The following KIDINS220 variants were observed in gnomAD, a reference collection of about 807,000 sequenced individuals.
The protein encoded by KIDINS220 is kinase D interacting substrate 220.
Under a neutral mutation model 157.6 loss-of-function variants are expected in KIDINS220, and 63 were observed. That is an observed-to-expected ratio of 0.40 (90% CI 0.33 to 0.49). The LOEUF (loss-of-function observed/expected upper bound fraction) is 0.49, where lower values mean the gene tolerates loss of function less well. Ranked by LOEUF, KIDINS220 falls within the 20% of genes least tolerant of loss-of-function variation. KIDINS220 has a pLI of 0.66. For synonymous variants in KIDINS220, 732 were observed against 783.6 expected (o/e 0.93, Z 1.10); for missense variants, 1,772 against 2,171.2 (o/e 0.82, Z 3.65).
intron 6 of KIDINS220, among the ~76,000 whole-genome samples, chr2:8,807,114 A>C (rs1455271045): frequency 6.6e-6 from 1 of 152,188 alleles, no homozygotes; most frequent in Non-Finnish European, 1.5e-5. Context: ...ACAGTATCAC[A>C]TTTTCACAGA....
chr2:8,731,448 C>A lies in KIDINS220; in HGVS notation c.4588G>T (p.Glu1530Ter), dbSNP rs770272840. 1 of 1,614,202 alleles carries A rather than the reference C, an allele frequency of 6.2e-7. No homozygotes were observed. The highest frequency in any genetic ancestry group is 8.5e-7 in the Non-Finnish European group (1 of 1,180,042). The stretch of plus-strand genomic sequence containing the variant: ...TTGAGCAGTGGAGTGTTATCTGATT[C>A]TTCTGTGCCAGATTCATCCTCGTCA... The part of the protein sequence containing the change: ...PSDEDESGTE[E>*]SDNTPLLKDD... Residue 1530 changes from glutamate to a stop codon, truncating the protein, a stop_gained, in exon 30 of 30, where the codon GAA (glutamate) becomes TAA (stop). Coordinates refer to ENST00000256707, the MANE Select transcript of KIDINS220 (RefSeq NM_020738.4). LOFTEE classifies it low-confidence loss of function (END_TRUNC). This position sits in a 1 kb window ranked among gnomAD's most constrained non-coding sequence, Gnocchi z 5.2.
chr2:8,812,546 G>C (rs1676472943), intron 5 of KIDINS220, 53 bp from the exon 6 acceptor site: 1 of 995,866 alleles, frequency 1.0e-6, no homozygotes, highest in African/African-American at 1.7e-5. Context: ...AGGAAGGAAA[G>C]AAAGAAAGGA....
chr2:8,770,470 A>G (rs1670049296), intron 22 of KIDINS220, among the ~76,000 whole-genome samples, 200 bp downstream of exon 22: 1 of 152,182 alleles, frequency 6.6e-6, no homozygotes, highest in African/African-American at 2.4e-5. Flanking sequence ...TTGTCCAAAT[A>G]AAGTCATAGA....
At chr2:8,829,565 T>A (rs182643150) in intron 1 of KIDINS220, among the ~76,000 whole-genome samples, 371 of 152,158 alleles carry the variant, frequency 2.4e-3, no homozygotes, top group African/African-American at 8.7e-3. Context: ...CAAAGTAGGA[T>A]AATATACAGT....
intron 1 of KIDINS220, among the ~76,000 whole-genome samples, chr2:8,832,198 G>C (rs542065622): frequency 1.1e-3 from 168 of 152,218 alleles, no homozygotes; most frequent in East Asian, 4.8e-3. Context: ...ACGTTCCCTA[G>C]GACAGGCATT....
chr2:8,724,755 T>C (rs536797726), downstream of KIDINS220: 4 of 152,292 alleles, frequency 2.6e-5, no homozygotes, highest in Non-Finnish European at 5.9e-5. The surrounding 1 kb of genome is among the most constrained non-coding windows in gnomAD (Gnocchi z 4.6). Flanking sequence ...GCCTCCCGAA[T>C]AGCTGGGACT....
rs1288657887 is a variant in KIDINS220 at position 8,778,721 on chromosome 2, T to C, written c.2621A>G (p.Gln874Arg). The part of the protein sequence containing the change: ...DVPCSDTTGI[Q>R]EDADRRVSQN... Reference sequence around the variant, plus strand: ...TGAAACTCTTCTGTCAGCATCTTCCTGTATCCCTTAAATAATTTATCAAGA... The same window carrying C: ...TGAAACTCTTCTGTCAGCATCTTCCCGTATCCCTTAAATAATTTATCAAGA... The change falls in exon 20 of 30, where the codon CAG becomes CGG. Residue 874 changes from glutamine to arginine, a missense_variant. Coordinates refer to ENST00000256707, the MANE Select transcript of KIDINS220 (RefSeq NM_020738.4). The C allele has an allele frequency of 6.2e-7, 1 of 1,613,674 alleles. No individual in the cohort carries two copies. Among genetic ancestry groups the C allele is most frequent in the Admixed American group, 1.7e-5 (1 of 60,024 alleles).
intron 2 of KIDINS220, among the ~76,000 whole-genome samples, chr2:8,820,583 C>G (rs561238101): frequency 6.6e-6 from 1 of 152,208 alleles, no homozygotes; most frequent in East Asian, 1.9e-4. Context: ...TATAGACATT[C>G]CTATGTAAGG....
At chr2:8,784,429 C>G (rs562909501) in intron 17 of KIDINS220, among the ~76,000 whole-genome samples, 1 of 152,088 alleles carries the variant, frequency 6.6e-6, no homozygotes, top group Non-Finnish European at 1.5e-5. Context: ...TAGACTTCAT[C>G]AAAAATGTCT....
At chr2:8,744,162 A>G (rs1666021467) in intron 26 of KIDINS220, among the ~76,000 whole-genome samples, 1 of 144,414 alleles carries the variant, frequency 6.9e-6, no homozygotes, top group Non-Finnish European at 1.5e-5. Context: ...TTATTTTATA[A>G]TATATATTAT....
At chr2:8,728,653 T>C (rs1189269009), downstream of KIDINS220, among the ~76,000 whole-genome samples, 1 of 152,226 alleles carries the variant, frequency 6.6e-6, no homozygotes, top group Non-Finnish European at 1.5e-5. Context: ...ACCTTTTCTA[T>C]CTACAGGAAC....
Position 8,769,509 on chromosome 2 carries a change from GTGTCAAGGGATTACCTGTTTACAT to G in KIDINS220, c.3011+1137_3011+1160del, listed in dbSNP as rs1669903531. Reference sequence around the variant, plus strand: ...ACAACAATCTTGAGGATAGATGAGAGTGTCAAGGGATTACCTGTTTACATTAAATAGGGCTTTATGTATAAATAT... The same window carrying G: ...ACAACAATCTTGAGGATAGATGAGAGTAAATAGGGCTTTATGTATAAATAT... On this transcript the variant is annotated intron_variant, in intron 22 of 29. Coordinates refer to ENST00000256707, the MANE Select transcript of KIDINS220 (RefSeq NM_020738.4). 2.6e-5 allele frequency among the ~76,000 whole-genome samples: 4 copies of G among 152,170 alleles called. No homozygotes were observed. The South Asian group carries it at 8.3e-4, about 31-fold the overall frequency.
chr2:8,757,468 A>C, intron 22 of KIDINS220: 2 of 1,363,842 alleles, frequency 1.5e-6, no homozygotes, highest in Non-Finnish European at 1.9e-6. Context: ...CCAAAGGGAT[A>C]TGTGAGGCCG....
In KIDINS220 at chr2:8,778,656, T is replaced by C. The variant is rs199737785; in HGVS notation, c.2686A>G (p.Thr896Ala). The change falls in exon 20 of 30, where the codon ACA becomes GCA. Residue 896 changes from threonine to alanine, a missense_variant. By Grantham distance (58) the Thr-to-Ala change is moderately conservative (BLOSUM62 0). Transcript: ENST00000256707. ...LGEMTKLGSK[T>A]ALNRRDTYRR... Reference sequence around the variant, plus strand: ...CATCTTACCCGTCTATTGAGGGCTGTCTTGCTACCAAGTTTTGTCATCTCC... The same window carrying C: ...CATCTTACCCGTCTATTGAGGGCTGCCTTGCTACCAAGTTTTGTCATCTCC... The C allele has an allele frequency of 2.5e-6, 4 of 1,613,638 alleles. No homozygotes were observed. The highest frequency in any genetic ancestry group is 1.7e-5 in the Admixed American group (1 of 60,018).
intron 3 of KIDINS220, 33 bp from the exon 4 acceptor site, chr2:8,817,749 A>G: frequency 6.9e-7 from 1 of 1,457,426 alleles, no homozygotes; most frequent in Non-Finnish European, 9.4e-7. Context: ...TATCATTTTC[A>G]AACCAAAAAT....
At chr2:8,744,089 A>T (rs1666005558) in intron 26 of KIDINS220, among the ~76,000 whole-genome samples, 1 of 146,332 alleles carries the variant, frequency 6.8e-6, no homozygotes, top group East Asian at 2.0e-4. Flanking sequence ...AACATCTTTT[A>T]TATTACTATA....
chr2:8,829,256 A>T (rs1029692286), intron 1 of KIDINS220, among the ~76,000 whole-genome samples: 1 of 152,232 alleles, frequency 6.6e-6, no homozygotes, highest in East Asian at 1.9e-4. Flanking sequence ...TTACACAATC[A>T]TTCGTTTGTC....
chr2:8,818,673 A>G, intron 3 of KIDINS220, 22 bp downstream of exon 3: 1 of 1,320,150 alleles, frequency 7.6e-7, no homozygotes, highest in Non-Finnish European at 1.1e-6. Flanking sequence ...GTAAATGATG[A>G]GTAAATTATT....
At chr2:8,803,573 A>C (rs1030384986) in intron 7 of KIDINS220, among the ~76,000 whole-genome samples, 20 of 152,208 alleles carry the variant, frequency 1.3e-4, no homozygotes, top group African/African-American at 3.6e-4. Flanking sequence ...AAAAAACACT[A>C]AAGTAAACAA....
Sources: allele counts gnomAD v4.1 joint callset (sites outside exome capture counted in the v4.1 genomes callset), GRCh38; gene constraint gnomAD v4.1.1; non-coding constraint Gnocchi (gnomAD v3.1); transcripts MANE v1.5; gene names NCBI Gene and HGNC (gene_info 2026-07-23, HGNC 2026-07-21).